SERGEF: variants seen among roughly 807,000 people sequenced by gnomAD.
SERGEF encodes secretion-regulating guanine nucleotide exchange factor.
Under a neutral mutation model 50.0 loss-of-function variants are expected in SERGEF, and 51 were observed. That is an observed-to-expected ratio of 1.02 (90% CI 0.81 to 1.29). The LOEUF (loss-of-function observed/expected upper bound fraction) is 1.29. Ranked by LOEUF, SERGEF falls within the 50% of genes most tolerant of loss-of-function variation. The probability of loss-of-function intolerance (pLI) is 0.00; values close to 1 mark genes in which losing one functional copy is unlikely to be tolerated. For missense variants in SERGEF, 521 were observed against 557.0 expected (o/e 0.94, Z 0.65); for synonymous variants, 205 against 212.4 (o/e 0.97, Z 0.30).
At chr11:17,908,577 G>C (rs530110345) in intron 9 of SERGEF, among the ~76,000 whole-genome samples, 2 of 152,180 alleles carry the variant, frequency 1.3e-5, no homozygotes, top group Admixed American at 1.3e-4. Context: ...ATTGTAAAGG[G>C]CTCCTGATTC....
chr11:17,792,726 A>T (rs920001219), intron 10 of SERGEF, among the ~76,000 whole-genome samples: 3 of 152,148 alleles, frequency 2.0e-5, no homozygotes, highest in Non-Finnish European at 4.4e-5. Flanking sequence ...GATTATTCTC[A>T]TTTTAGAGAG....
intron 10 of SERGEF, among the ~76,000 whole-genome samples, chr11:17,819,124 CT>C (rs2133842514): frequency 6.6e-6 from 1 of 152,356 alleles, no homozygotes; most frequent in South Asian, 2.1e-4. Context: ...ATATTTGAGT[CT>C]GAAGACTCCT....
chr11:17,846,912 C>A (rs1041704058), intron 10 of SERGEF, among the ~76,000 whole-genome samples: 5 of 152,166 alleles, frequency 3.3e-5, no homozygotes, highest in African/African-American at 4.8e-5. Flanking sequence ...AGACCTTAAG[C>A]AAACCCAGGC....
intron 7 of SERGEF, among the ~76,000 whole-genome samples, chr11:17,990,033 T>C (rs150022832): frequency 1.3e-5 from 2 of 152,358 alleles, no homozygotes; most frequent in East Asian, 3.9e-4. Context: ...CAGGATCACA[T>C]GGCTAATAAG....
intron 8 of SERGEF, 76 bp downstream of exon 8, chr11:17,988,521 C>A: frequency 6.8e-7 from 1 of 1,468,004 alleles, no homozygotes; most frequent in South Asian, 1.2e-5. Context: ...AGGCTTAACC[C>A]CAAGCACTCA....
At chr11:17,887,620 T>G (rs1485574067) in intron 9 of SERGEF, among the ~76,000 whole-genome samples, 1 of 151,986 alleles carries the variant, frequency 6.6e-6, no homozygotes, top group Non-Finnish European at 1.5e-5. Flanking sequence ...CTGACGGGAG[T>G]GTAAATTCAA....
At chr11:17,917,456 T>C (rs7102339) in intron 9 of SERGEF, among the ~76,000 whole-genome samples, 282 of 152,180 alleles carry the variant, frequency 1.9e-3, no homozygotes, top group African/African-American at 6.7e-3. Context: ...AGACTGCAAA[T>C]TGGGTTTAAT....
At chr11:17,930,297 A>G (rs959617966) in intron 9 of SERGEF, among the ~76,000 whole-genome samples, 8 of 152,212 alleles carry the variant, frequency 5.3e-5, no homozygotes, top group African/African-American at 1.9e-4. Context: ...TATAGTTACG[A>G]AAGAGTTGAC....
Position 17,886,603 on chromosome 11 carries a change from A to C in SERGEF, c.1012-8359T>G, listed in dbSNP as rs1851434586. Reference sequence around the variant, plus strand: ...TGTACTCCAGCCTGGGCGAGTACTAAAAGCGAGACTAAAAACAAAACAAAA... The same window carrying C: ...TGTACTCCAGCCTGGGCGAGTACTACAAGCGAGACTAAAAACAAAACAAAA... On this transcript the variant is annotated intron_variant, in intron 9 of 10. Transcript: ENST00000265965. Among the ~76,000 whole-genome samples the C allele has an allele frequency of 2.0e-5, 3 of 152,200 alleles. No homozygotes were observed. The South Asian group carries it at 6.2e-4, about 32-fold the overall frequency.
intron 3 of SERGEF, 47 bp downstream of exon 3, chr11:18,006,544 A>G: frequency 6.4e-7 from 1 of 1,571,940 alleles, no homozygotes; most frequent in Non-Finnish European, 8.7e-7. Context: ...TACTGTTCTC[A>G]CCCAAAGCCT....
chr11:17,986,860 T>C (rs1853610499), intron 8 of SERGEF, among the ~76,000 whole-genome samples: 1 of 152,220 alleles, frequency 6.6e-6, no homozygotes, highest in African/African-American at 2.4e-5. Context: ...GCACATCTCA[T>C]ACTGGAATGT....
At chr11:17,997,822 A>G (rs1376593868) in intron 5 of SERGEF, among the ~76,000 whole-genome samples, 2 of 152,244 alleles carry the variant, frequency 1.3e-5, no homozygotes, top group Non-Finnish European at 2.9e-5. Flanking sequence ...AGAGACTTAC[A>G]GTAGTCAAAA....
intron 10 of SERGEF, among the ~76,000 whole-genome samples, chr11:17,852,174 G>A (rs1177199144): frequency 6.6e-6 from 1 of 152,184 alleles, no homozygotes; most frequent in Non-Finnish European, 1.5e-5. Context: ...ATGTACAGAG[G>A]AGGAAACTGA....
intron 9 of SERGEF, among the ~76,000 whole-genome samples, chr11:17,904,393 C>A (rs1357786046): frequency 2.0e-5 from 3 of 152,244 alleles, no homozygotes; most frequent in Admixed American, 2.0e-4. Flanking sequence ...ACCCAGCCAG[C>A]CTCCACCATG....
intron 8 of SERGEF, among the ~76,000 whole-genome samples, chr11:17,971,343 A>C (rs1407872923): frequency 1.3e-5 from 2 of 152,250 alleles, no homozygotes; most frequent in Non-Finnish European, 2.9e-5. Context: ...ACAGCTTTTC[A>C]ATGTAGACCA....
chr11:17,798,744 G>A (rs1219478776), intron 10 of SERGEF, among the ~76,000 whole-genome samples: 2 of 152,218 alleles, frequency 1.3e-5, no homozygotes, highest in African/African-American at 4.8e-5. Flanking sequence ...GCGAGAGGGG[G>A]CAGAAAGAGA....
chr11:17,821,274 T>C (rs576144223), intron 10 of SERGEF, among the ~76,000 whole-genome samples: 19 of 152,306 alleles, frequency 1.2e-4, no homozygotes, highest in Admixed American at 3.9e-4. Context: ...CAGATTGTGG[T>C]ACTTTATTAT....
intron 1 of SERGEF, among the ~76,000 whole-genome samples, chr11:18,009,868 C>T (rs955041922): frequency 1.3e-5 from 2 of 152,152 alleles, no homozygotes; most frequent in Non-Finnish European, 2.9e-5. Flanking sequence ...CCAGGGACAG[C>T]AGCCCATAAG....
rs1851401562 is a variant in SERGEF at position 17,884,956 on chromosome 11, T to C, written c.1012-6712A>G. Among the ~76,000 whole-genome samples, 1 of 152,152 alleles carries C rather than the reference T, an allele frequency of 6.6e-6. No homozygotes were observed. The highest frequency in any genetic ancestry group is 6.5e-5 in the Admixed American group (1 of 15,278). On this transcript the variant is annotated intron_variant, in intron 9 of 10. Coordinates refer to ENST00000265965, the MANE Select transcript of SERGEF (RefSeq NM_012139.4). This position sits in a 1 kb window ranked among gnomAD's most constrained non-coding sequence, Gnocchi z 4.6. ...AGAAGTGGGAATCTGTCTCCCTACA[T>C]AGCAGGCCAGCAAACCCGCTCAGAG... is the stretch of plus-strand genomic sequence containing the variant.
Sources: gnomAD v4.1 joint callset for allele counts (sites outside exome capture counted in the v4.1 genomes callset) on GRCh38, gnomAD v4.1.1 for gene constraint, Gnocchi (gnomAD v3.1) non-coding constraint, MANE v1.5 for transcripts, NCBI Gene and HGNC (gene_info 2026-07-23, HGNC 2026-07-21) for gene names.